The following STARD13 variants were observed in gnomAD, a reference collection of about 807,000 sequenced individuals.
STARD13 encodes StAR related lipid transfer domain containing 13, also known as stAR-related lipid transfer protein 13.
In STARD13, 62 loss-of-function variants were observed where a neutral mutation model predicts 106.4. The ratio of observed to expected loss-of-function variants is 0.58; its 90% CI spans 0.48 to 0.72. The LOEUF is 0.72. Among genes scored for constraint, STARD13 ranks in the 30% least tolerant of loss-of-function variants. STARD13 has a pLI of 0.00. For missense variants in STARD13, 1,387 were observed against 1,424.0 expected (o/e 0.97, Z 0.42); for synonymous variants, 565 against 553.0 (o/e 1.02, Z -0.31).
intron 1 of STARD13, among the ~76,000 whole-genome samples, chr13:33,304,131 C>A (rs1892818594): frequency 6.6e-6 from 1 of 152,228 alleles, no homozygotes; most frequent in African/African-American, 2.4e-5. Context: ...CCACTCACTG[C>A]AGACACACCA....
chr13:33,190,806 G>A (rs1056014927), intron 1 of STARD13, among the ~76,000 whole-genome samples: 64 of 151,976 alleles, frequency 4.2e-4, no homozygotes, highest in African/African-American at 1.5e-3. Flanking sequence ...GGCTAGTCTC[G>A]AACTCCTGAC....
intron 1 of STARD13, among the ~76,000 whole-genome samples, chr13:33,263,734 C>T (rs991763838): frequency 5.9e-5 from 9 of 152,146 alleles, no homozygotes; most frequent in Admixed American, 3.9e-4. Flanking sequence ...AAGAACATCG[C>T]GTGATGATTC....
intron 1 of STARD13, among the ~76,000 whole-genome samples, chr13:33,343,588 A>AC (rs1229931320): frequency 4.1e-5 from 4 of 97,284 alleles, no homozygotes; most frequent in African/African-American, 1.4e-4. Flanking sequence ...AAAAAAAAAA[A>AC]AAAAAAAAAC....
At chr13:33,477,653 A>G in the STARD13 span, among the ~76,000 whole-genome samples, 3 of 152,152 alleles carry the variant, frequency 2.0e-5, no homozygotes, top group Non-Finnish European at 4.4e-5. Flanking sequence ...CAACAACTGA[A>G]TTACAGGTGT....
At chr13:33,373,258 C>G in the STARD13 span, among the ~76,000 whole-genome samples, 1 of 152,100 alleles carries the variant, frequency 6.6e-6, no homozygotes, top group African/African-American at 2.4e-5. Flanking sequence ...AGAGCTCAAG[C>G]CTGAAATTGT....
the STARD13 span, among the ~76,000 whole-genome samples, chr13:33,567,213 A>G: frequency 6.7e-6 from 1 of 148,698 alleles, no homozygotes; most frequent in Non-Finnish European, 1.5e-5. Flanking sequence ...TCTCAAATTC[A>G]TAACAAATAT....
chr13:33,516,079 A>G, the STARD13 span, among the ~76,000 whole-genome samples: 14 of 150,502 alleles, frequency 9.3e-5, no homozygotes, highest in African/African-American at 3.2e-4. Flanking sequence ...ATATATATAC[A>G]CACACACATA....
the STARD13 span, among the ~76,000 whole-genome samples, chr13:33,552,184 T>C: frequency 6.6e-6 from 1 of 152,220 alleles, no homozygotes; most frequent in East Asian, 1.9e-4. Context: ...ACAATAATAA[T>C]TGGAGACTTC....
the STARD13 span, among the ~76,000 whole-genome samples, chr13:33,464,301 TA>T: frequency 6.6e-6 from 1 of 152,190 alleles, no homozygotes; most frequent in East Asian, 1.9e-4. Context: ...ATAATATTTT[TA>T]AAAGATTTTT....
At chr13:33,239,155 A>G (rs1006227985) in intron 1 of STARD13, among the ~76,000 whole-genome samples, 4 of 152,026 alleles carry the variant, frequency 2.6e-5, no homozygotes, top group Middle Eastern at 3.4e-3. Flanking sequence ...GGCTTATTTC[A>G]CTTAGCATAA....
At chr13:33,674,164 T>C in the STARD13 span, among the ~76,000 whole-genome samples, 2 of 152,164 alleles carry the variant, frequency 1.3e-5, no homozygotes, top group African/African-American at 4.8e-5. Context: ...CAGGCCAGAA[T>C]TATTATCTTT....
At chr13:33,294,162 T>C (rs1892400797) in intron 1 of STARD13, among the ~76,000 whole-genome samples, 1 of 152,216 alleles carries the variant, frequency 6.6e-6, no homozygotes, top group East Asian at 1.9e-4. Flanking sequence ...ATCTACCTTA[T>C]CTTTGTATCA....
At chr13:33,579,689 T>C in the STARD13 span, among the ~76,000 whole-genome samples, 3 of 150,412 alleles carry the variant, frequency 2.0e-5, no homozygotes, top group South Asian at 2.1e-4. Flanking sequence ...AAAGGGCTGG[T>C]ATACAAAATA....
At chr13:33,183,815 C>T (rs892254012) in intron 1 of STARD13, among the ~76,000 whole-genome samples, 1 of 152,114 alleles carries the variant, frequency 6.6e-6, no homozygotes, top group Non-Finnish European at 1.5e-5. Context: ...CCTGAATATG[C>T]CCTGGAGGAA....
chr13:33,524,557 T>C, the STARD13 span, among the ~76,000 whole-genome samples: 1 of 152,000 alleles, frequency 6.6e-6, no homozygotes, highest in Non-Finnish European at 1.5e-5. Flanking sequence ...CATTTTTGGT[T>C]AGTGAGATCA....
chr13:33,588,576 A>G, the STARD13 span, among the ~76,000 whole-genome samples: 105 of 152,334 alleles, frequency 6.9e-4, no homozygotes, highest in African/African-American at 2.5e-3. Flanking sequence ...AAGTTGATTG[A>G]AAGAGAATTG....
At chr13:33,322,376 C>T (rs1464767187) in intron 1 of STARD13, among the ~76,000 whole-genome samples, 9 of 152,160 alleles carry the variant, frequency 5.9e-5, no homozygotes, top group South Asian at 2.1e-4. Flanking sequence ...TTTTCACTGT[C>T]GTTTGTACCG....
chr13:33,580,148 T>C, the STARD13 span, among the ~76,000 whole-genome samples: 2 of 152,074 alleles, frequency 1.3e-5, no homozygotes, highest in African/African-American at 4.8e-5. Context: ...TTACCAAAAC[T>C]TGGAAGCAAC....
chr13:33,149,219 A>C (rs895543685), intron 3 of STARD13, among the ~76,000 whole-genome samples: 1 of 152,094 alleles, frequency 6.6e-6, no homozygotes, highest in African/African-American at 2.4e-5. Context: ...TGATATGTCA[A>C]TGTAGGTTCA....
Sources: allele counts gnomAD v4.1 joint callset (sites outside exome capture counted in the v4.1 genomes callset), GRCh38; gene constraint gnomAD v4.1.1; transcripts MANE v1.5; gene names NCBI Gene and HGNC (gene_info 2026-07-23, HGNC 2026-07-21).